Variants in BANP observed in about 807,000 individuals in gnomAD.
BANP encodes the protein BTG3 associated nuclear protein.
Under a neutral mutation model 68.1 loss-of-function variants are expected in BANP, and 11 were observed. The ratio of observed to expected loss-of-function variants is 0.16; its 90% confidence interval spans 0.10 to 0.27. BANP has a LOEUF of 0.27. Ranked by LOEUF, BANP falls within the 10% of genes least tolerant of loss-of-function variation. BANP has a pLI of 1.00. For synonymous variants in BANP, 329 were observed against 303.2 expected (o/e 1.09, Z -0.88); for missense variants, 504 against 722.7 (o/e 0.70, Z 3.47).
chr16:87,949,375 A>C (rs2056611193), upstream of BANP: 1 of 152,224 alleles, frequency 6.6e-6, no homozygotes, highest in African/African-American at 2.4e-5. Context: ...GCCGTGATTG[A>C]GGTGGAGGTG....
At chr16:88,001,445 G>T (rs1372746452) in intron 4 of BANP, among the ~76,000 whole-genome samples, 2 of 152,244 alleles carry the variant, frequency 1.3e-5, no homozygotes, top group African/African-American at 4.8e-5. Flanking sequence ...TTGTCACTTA[G>T]TATTGTTGTG....
intron 1 of BANP, among the ~76,000 whole-genome samples, chr16:87,964,397 C>T (rs1035364228): frequency 1.3e-5 from 2 of 152,210 alleles, no homozygotes; most frequent in Non-Finnish European, 2.9e-5. Context: ...GACAGTAGAG[C>T]AGGAAAGGCT....
At chr16:88,022,769 C>T (rs570726027) in intron 7 of BANP, among the ~76,000 whole-genome samples, 34 of 152,156 alleles carry the variant, frequency 2.2e-4, no homozygotes, top group Admixed American at 6.5e-5. Flanking sequence ...TGGTGGTGGC[C>T]GCATCCCTCC....
chr16:88,000,564 G>A (rs1156297832), intron 4 of BANP, among the ~76,000 whole-genome samples: 1 of 5,618 alleles, frequency 1.8e-4, no homozygotes, highest in African/African-American at 4.8e-4. Context: ...ACGCACGTGC[G>A]CGGCTGTACT....
rs903595913 is a variant in BANP at position 88,054,889 on chromosome 16, T to C, written c.1312-10378T>C. ...TGGATTCTGCAGATTGAATCTAATG[T>C]GCAGTATGGTTTGAACAGTTAGTAC... On this transcript the variant is annotated intron_variant, in intron 11 of 13. Coordinates refer to ENST00000682872, the MANE Select transcript of BANP (RefSeq NM_001386991.1). 4.9e-4 allele frequency among the ~76,000 whole-genome samples: 74 copies of C among 152,230 alleles called. 1 individual carries two copies. The highest frequency in any genetic ancestry group is 1.7e-3 in the African/African-American group (71 of 41,464).
chr16:88,044,135 C>G (rs2081418142), intron 11 of BANP, among the ~76,000 whole-genome samples: 1 of 152,230 alleles, frequency 6.6e-6, no homozygotes, highest in Non-Finnish European at 1.5e-5. Flanking sequence ...GTGACCTGGG[C>G]AGACTCCCTA....
At chr16:87,990,097 T>A (rs923522576) in intron 4 of BANP, among the ~76,000 whole-genome samples, 26 of 152,264 alleles carry the variant, frequency 1.7e-4, no homozygotes, top group African/African-American at 6.0e-4. Context: ...TTTCATTAAC[T>A]GAACATACTG....
chr16:88,021,036 CCTT>C (rs1047056818), intron 7 of BANP, among the ~76,000 whole-genome samples: 1 of 152,194 alleles, frequency 6.6e-6, no homozygotes, highest in African/African-American at 2.4e-5. Context: ...TATGAGTTGA[CCTT>C]CTCTGCTGAG....
At chr16:88,006,377 T>G (rs753373394) in intron 6 of BANP, 112 bp downstream of exon 6, 89 of 1,275,232 alleles carry the variant, frequency 7.0e-5, no homozygotes, top group Non-Finnish European at 8.8e-5. Context: ...CCAGGCGCGG[T>G]GGCTCACGCC....
At chr16:88,023,382 G>A (rs1266256787) in intron 7 of BANP, among the ~76,000 whole-genome samples, 1 of 152,224 alleles carries the variant, frequency 6.6e-6, no homozygotes, top group Non-Finnish European at 1.5e-5. Flanking sequence ...TGGCCTGGAG[G>A]CTGGACGTTT....
chr16:88,052,154 A>G (rs1178271191), intron 11 of BANP, among the ~76,000 whole-genome samples: 1 of 152,208 alleles, frequency 6.6e-6, no homozygotes, highest in Non-Finnish European at 1.5e-5. Flanking sequence ...AATTGTTACT[A>G]AAGAAAATCA....
intron 2 of BANP, among the ~76,000 whole-genome samples, chr16:87,977,768 G>A (rs1438947479): frequency 2.6e-5 from 4 of 152,166 alleles, no homozygotes; most frequent in Non-Finnish European, 4.4e-5. Context: ...TATGGCTTGC[G>A]CTTACTCTAC....
At chr16:87,961,545 GT>G (rs1177508917) in intron 1 of BANP, among the ~76,000 whole-genome samples, 5 of 152,122 alleles carry the variant, frequency 3.3e-5, no homozygotes, top group Admixed American at 3.3e-4. Context: ...GGAAACTCTA[GT>G]TGTTTTCAAT....
At chr16:88,007,400 C>G (rs532441811) in intron 6 of BANP, among the ~76,000 whole-genome samples, 3 of 152,112 alleles carry the variant, frequency 2.0e-5, no homozygotes, top group Admixed American at 1.3e-4. Flanking sequence ...GGACTCCTAG[C>G]GGGGGCCTCT....
intron 1 of BANP, chr16:87,959,943 G>C (rs1020421754): frequency 1.3e-5 from 2 of 152,716 alleles, no homozygotes; most frequent in Non-Finnish European, 2.9e-5. Flanking sequence ...TGGCTGATCC[G>C]AGTGACCATG....
chr16:88,051,792 T>A (rs1049558680), intron 11 of BANP, among the ~76,000 whole-genome samples: 10 of 152,242 alleles, frequency 6.6e-5, no homozygotes, highest in Non-Finnish European at 1.5e-5. Context: ...TAATTATGCA[T>A]CATTAAATAG....
At chr16:87,978,948 A>G (rs1052819939) in intron 2 of BANP, among the ~76,000 whole-genome samples, 3 of 152,220 alleles carry the variant, frequency 2.0e-5, no homozygotes, top group African/African-American at 7.2e-5. Context: ...TCTAAAATTG[A>G]CTACAAAAAC....
intron 11 of BANP, among the ~76,000 whole-genome samples, chr16:88,059,266 A>G (rs1598984230): frequency 6.7e-6 from 1 of 148,776 alleles, no homozygotes; most frequent in African/African-American, 2.5e-5. Context: ...GGGCGGGCGG[A>G]GGTGTGTGAA....
intron 1 of BANP, among the ~76,000 whole-genome samples, chr16:87,968,574 T>C (rs1035145664): frequency 2.0e-5 from 3 of 152,212 alleles, no homozygotes; most frequent in Non-Finnish European, 2.9e-5. Flanking sequence ...ATTGATGACA[T>C]GTAGCTTTGA....
Sources: allele counts gnomAD v4.1 joint callset (sites outside exome capture counted in the v4.1 genomes callset), GRCh38; gene constraint gnomAD v4.1.1; transcripts MANE v1.5; gene names NCBI Gene and HGNC (gene_info 2026-07-23, HGNC 2026-07-21).